Variants in WASHC4 observed in about 807,000 individuals in gnomAD.
WASHC4 encodes the protein WASH complex subunit 4.
Under a neutral mutation model 166.6 loss-of-function variants are expected in WASHC4, and 86 were observed. That is an observed-to-expected ratio of 0.52 (90% CI 0.43 to 0.62). The LOEUF is 0.62. WASHC4 is among the 20% of genes least tolerant of loss of function. WASHC4 has a pLI of 0.00. For missense variants in WASHC4, 1,262 were observed against 1,382.4 expected (o/e 0.91, Z 1.38); for synonymous variants, 446 against 451.6 (o/e 0.99, Z 0.16).
At chr12:105,121,306 C>T in intron 9 of WASHC4, 102 bp downstream of exon 9, 1 of 734,836 alleles carries the variant, frequency 1.4e-6, no homozygotes, top group Non-Finnish European at 2.4e-6. Flanking sequence ...TCTAAAAGAC[C>T]TGGGGATTGA....
Position 105,146,931 on chromosome 12 carries a change from C to T in WASHC4, c.2410-111C>T, listed in dbSNP as rs558698468. The T allele has an allele frequency of 5.5e-6, 4 of 728,974 alleles. No individual in the cohort carries two copies. In the South Asian group the frequency reaches 5.8e-5, roughly 11 times the overall value. 45.2% of individuals were successfully genotyped at this position (728,974 alleles called of 1,614,324 possible). ...ACCTGTACTGTCTTGATTGCATTTT[C>T]AATTAAATTGTCTTTAATGAAATAG... On this transcript the variant is annotated intron_variant, in intron 23 of 32. Transcript: ENST00000332180.
At position 105,149,650 on chromosome 12, in the gene WASHC4, C is replaced by A. The variant is rs1463227832; in HGVS notation, c.2550C>A (p.Phe850Leu). 2 of 1,540,706 alleles carry A rather than the reference C, an allele frequency of 1.3e-6. No individual in the cohort carries two copies. Residue 850 changes from phenylalanine to leucine, a missense_variant, in exon 25 of 33, where the codon TTC (phenylalanine) becomes TTA (leucine). Coordinates refer to ENST00000332180, the MANE Select transcript of WASHC4 (RefSeq NM_015275.3). ...CCTACCAGTTTTTGAAAAAGAAGTT[C>A]TATATATTTAGCCAATTTATGTATG... ...NFTYQFLKKKFYIFSQFMYDE... is the reference protein window; with the variant it reads ...NFTYQFLKKKLYIFSQFMYDE...
Position 105,126,120 on chromosome 12 carries a change from C to G in WASHC4, c.903C>G (p.Ala301=), listed in dbSNP as rs1881259343. ...SIRSIFANVE[A]KLGEPSEIDQ... is the part of the protein sequence containing the mutation. ...GGTCAATTTTTGCAAATGTAGAAGC[C>G]AAACTTGGTAATGTAAATCGCATTT... The change falls in exon 11 of 33, where the codon GCC becomes GCG. Residue 301 remains alanine (A), a synonymous_variant. Transcript: ENST00000332180. 1 of 1,612,758 alleles carries G rather than the reference C, an allele frequency of 6.2e-7. No homozygotes were observed. The highest frequency in any genetic ancestry group is 8.5e-7 in the Non-Finnish European group (1 of 1,179,314).
Position 105,147,097 on chromosome 12 carries a change from A to G in WASHC4, c.2465A>G (p.His822Arg), listed in dbSNP as rs187432521. The G allele has an allele frequency of 2.1e-3, 3,339 of 1,611,812 alleles. 8 individuals carry two copies. The highest frequency in any genetic ancestry group is 2.6e-3 in the Non-Finnish European group (3,030 of 1,177,900). Residue 822 changes from histidine (H) to arginine (R), a missense_variant, in exon 24 of 33, where the codon CAT becomes CGT. By Grantham distance (29) the His-to-Arg change is conservative. Coordinates refer to ENST00000332180, the MANE Select transcript of WASHC4 (RefSeq NM_015275.3). ...CATTTGAATACTATTAATATTCGGC[A>G]TATTGCTAATTCAATTCGAACACAT... ...NKHLNTINIR[H>R]IANSIRTHGT... is the part of the protein sequence containing the mutation.
At position 105,156,771 on chromosome 12, in the gene WASHC4, A is replaced by G; in HGVS notation, c.2804A>G (p.His935Arg). 1 of 1,612,740 alleles carries G rather than the reference A, an allele frequency of 6.2e-7. No homozygotes were observed. Among genetic ancestry groups the G allele is most frequent in the Non-Finnish European group, 8.5e-7 (1 of 1,179,176 alleles). Residue 935 changes from histidine to arginine, a missense_variant, in exon 27 of 33, where the codon CAT (histidine) becomes CGT (arginine). Transcript: ENST00000332180. Reference protein sequence around the residue: ...YVRMIRSGGLHCSSNAIRFVP... With the variant: ...YVRMIRSGGLRCSSNAIRFVP... ...CGAATGATAAGATCTGGTGGTCTTC[A>G]TTGTAGCAGCAATGCCATTAGGTAT...
rs1490690151 is a variant in WASHC4 at position 105,167,129 on chromosome 12, AT to A, written c.*202del. The A allele has an allele frequency of 3.7e-6, 2 of 542,416 alleles. No homozygotes were observed. The highest frequency in any genetic ancestry group is 6.6e-6 in the Non-Finnish European group (2 of 303,146). 33.6% of individuals were successfully genotyped at this position (542,416 alleles called of 1,614,324 possible). A position where few individuals can be genotyped will look rare whatever the true frequency, so the allele number is the denominator to read the frequency against. On this transcript the variant is annotated 3_prime_UTR_variant, in exon 33 of 33. Coordinates refer to ENST00000332180, the MANE Select transcript of WASHC4 (RefSeq NM_015275.3). ...TCTACTTTCAAAGGTTAAGAATGAG[AT>A]TTTAAAATTGGATTTTTGCCTGGAC...
chr12:105,159,878 C>G, intron 28 of WASHC4, 123 bp from the exon 29 acceptor site: 1 of 835,618 alleles, frequency 1.2e-6, no homozygotes, highest in Non-Finnish European at 1.9e-6. Flanking sequence ...AGAAAATTTT[C>G]TTAGAAGTGT....
At chr12:105,149,082 A>G (rs191325777) in intron 24 of WASHC4, 225 of 984,988 alleles carry the variant, frequency 2.3e-4, no homozygotes, top group Admixed American at 6.1e-4. Context: ...AACTTCGTGA[A>G]GACAAGGACC....
chr12:105,142,339 G>A (rs1049551529), intron 18 of WASHC4, 114 bp from the exon 19 acceptor site: 4 of 709,970 alleles, frequency 5.6e-6, no homozygotes, highest in Non-Finnish European at 1.0e-5. Flanking sequence ...AAGTGATGTA[G>A]GGAATGCGAA....
chr12:105,137,833 A>C (rs2135783004), intron 14 of WASHC4, 53 bp from the exon 15 acceptor site: 1 of 1,499,074 alleles, frequency 6.7e-7, no homozygotes, highest in Middle Eastern at 1.9e-4. Context: ...ATAGATAATG[A>C]AATCTTGAAG....
intron 8 of WASHC4, 77 bp from the exon 9 acceptor site, chr12:105,121,024 A>AT: frequency 1.1e-6 from 1 of 939,730 alleles, no homozygotes; most frequent in East Asian, 2.5e-5. Flanking sequence ...AGCCCAAATG[A>AT]TTTTACTTTA....
intron 13 of WASHC4, among the ~76,000 whole-genome samples, chr12:105,128,785 G>T (rs116168295): frequency 1.1e-3 from 156 of 137,230 alleles, no homozygotes; most frequent in African/African-American, 3.9e-3. Flanking sequence ...TTTTTTTTTT[G>T]ATTTTTTTTT....
intron 28 of WASHC4, among the ~76,000 whole-genome samples, chr12:105,157,536 CT>C (rs1884247793): frequency 6.6e-6 from 1 of 152,176 alleles, no homozygotes. Flanking sequence ...CCACACATGG[CT>C]CTTGAGCACC....
intron 13 of WASHC4, among the ~76,000 whole-genome samples, chr12:105,131,215 T>C (rs888842974): frequency 2.0e-5 from 3 of 150,436 alleles, no homozygotes; most frequent in Non-Finnish European, 4.4e-5. Flanking sequence ...GCCTCCCGAG[T>C]AGCTGGGACT....
At chr12:105,160,241 C>G (rs1884413004) in intron 29 of WASHC4, 93 bp downstream of exon 29, 1 of 996,014 alleles carries the variant, frequency 1.0e-6, no homozygotes, top group South Asian at 1.4e-5. Context: ...TGCATACAGA[C>G]TACACTATTA....
At position 105,126,196 on chromosome 12, in the gene WASHC4, A is replaced by G. The variant is rs767337642; in HGVS notation, c.911-39A>G. On this transcript the variant is annotated intron_variant, in intron 11 of 32. Coordinates refer to ENST00000332180, the MANE Select transcript of WASHC4 (RefSeq NM_015275.3). ...ATTTCCTTAAAAGCATAATTGAAGT[A>G]TATTTGTTCTGCTTTCTCTTATGTT... The G allele has an allele frequency of 3.1e-6, 5 of 1,612,334 alleles. No homozygotes were observed. In the South Asian group the frequency reaches 5.5e-5, roughly 18 times the overall value.
intron 25 of WASHC4, among the ~76,000 whole-genome samples, chr12:105,151,041 T>C (rs1419607537): frequency 1.4e-5 from 2 of 140,478 alleles, no homozygotes; most frequent in African/African-American, 2.8e-5. Context: ...CCAAGCTATA[T>C]CACTGAGGCA....
intron 28 of WASHC4, among the ~76,000 whole-genome samples, 166 bp from the exon 29 acceptor site, chr12:105,159,835 G>C (rs764243531): frequency 6.6e-6 from 1 of 152,168 alleles, no homozygotes; most frequent in South Asian, 2.1e-4. Context: ...TCAGTTTTCT[G>C]TCCATGAGAA....
chr12:105,131,090 T>TTA (rs1566007105), intron 13 of WASHC4, among the ~76,000 whole-genome samples: 52 of 148,406 alleles, frequency 3.5e-4, no homozygotes, highest in South Asian at 1.3e-3. Context: ...TTATTTTTTT[T>TTA]TTTTTTTGAG....
Sources: gnomAD v4.1 joint callset for allele counts (sites outside exome capture counted in the v4.1 genomes callset) on GRCh38, gnomAD v4.1.1 for gene constraint, MANE v1.5 for transcripts, NCBI Gene and HGNC (gene_info 2026-07-23, HGNC 2026-07-21) for gene names.